The following KHK variants were observed in gnomAD, a reference collection of about 807,000 sequenced individuals.
KHK encodes fructokinase.
A neutral mutation model predicts 36.0 loss-of-function variants in KHK; 37 were observed. The ratio of observed to expected loss-of-function variants is 1.03; its 90% CI spans 0.79 to 1.35. The LOEUF (loss-of-function observed/expected upper bound fraction) is 1.35. Among genes scored for constraint, KHK ranks in the 40% most tolerant of loss-of-function variants. KHK has a pLI of 0.00. For missense variants in KHK, 395 were observed against 391.9 expected (o/e 1.01, Z -0.07); for synonymous variants, 161 against 162.8 (o/e 0.99, Z 0.08).
Position 27,099,966 on chromosome 2 carries a change from GCCAGCTTCTCCTCTCA to G in KHK, c.*217_*232del. 1 of 1,027,662 alleles carries G rather than the reference GCCAGCTTCTCCTCTCA, an allele frequency of 9.7e-7. No individual in the cohort carries two copies. The highest frequency in any genetic ancestry group is 1.5e-6 in the Non-Finnish European group (1 of 680,014). 63.7% of individuals were successfully genotyped at this position (1,027,662 alleles called of 1,614,324 possible). On this transcript the variant is annotated 3_prime_UTR_variant, in exon 8 of 8. Transcript: ENST00000260598. Reference sequence around the variant, plus strand: ...TCAGAGCAAATAAATCTTCCTCAGAGCCAGCTTCTCCTCTCAATGTCTGAACTGCTCTGGCTGGGCA... The same window carrying G: ...TCAGAGCAAATAAATCTTCCTCAGAGATGTCTGAACTGCTCTGGCTGGGCA...
Position 27,094,884 on chromosome 2 carries a change from C to G in KHK, c.294C>G (p.Cys98Trp), listed in dbSNP as rs1063553. 11 of 1,614,038 alleles carry G rather than the reference C, an allele frequency of 6.8e-6. No homozygotes were observed. The Admixed American group carries it at 1.3e-4, about 20-fold the overall frequency. Residue 98 changes from cysteine to tryptophan, a missense_variant, in exon 3 of 8, where the codon TGC (cysteine) becomes TGG (tryptophan). Transcript: ENST00000260598. ...GCAAGGGGGACACCCCCAGCTCCTGCTGCATCATCAACAACTCCAATGGCA... is the reference window on the plus strand; with the variant it reads ...GCAAGGGGGACACCCCCAGCTCCTGGTGCATCATCAACAACTCCAATGGCA... The part of the protein sequence containing the change: ...WQSKGDTPSS[C>W]CIINNSNGNR...
intron 2 of KHK, chr2:27,094,391 G>A (rs1670196215): frequency 3.9e-6 from 6 of 1,541,754 alleles, no homozygotes; most frequent in Non-Finnish European, 4.4e-6. Context: ...CTGCCTTTCA[G>A]GGTCCCTAGT....
Position 27,100,663 on chromosome 2 carries a change from A to G in KHK, c.*913A>G. The G allele has an allele frequency of 9.4e-7, 1 of 1,067,638 alleles. No homozygotes were observed. Among genetic ancestry groups the G allele is most frequent in the Non-Finnish European group, 1.2e-6 (1 of 824,922 alleles). 66.1% of individuals were successfully genotyped at this position (1,067,638 alleles called of 1,614,324 possible). A position where few individuals can be genotyped will look rare whatever the true frequency, so the allele number is the denominator to read the frequency against. ...TACAGCACTTAACGCAATCTGCCTC[A>G]ATTTCTTCATCTGTCAAATGGAACC... On this transcript the variant is annotated 3_prime_UTR_variant, in exon 8 of 8. Transcript: ENST00000260598.
Position 27,100,550 on chromosome 2 carries a change from T to C in KHK, c.*800T>C, listed in dbSNP as rs769822651. ...ATATAGGGTGGGTAAGGCCTTATAA[T>C]GTAAAGAGCATATAATGTAAAGGGC... On this transcript the variant is annotated 3_prime_UTR_variant, in exon 8 of 8. Coordinates refer to ENST00000260598, the MANE Select transcript of KHK (RefSeq NM_006488.3). 5 of 1,290,194 alleles carry C rather than the reference T, an allele frequency of 3.9e-6. No homozygotes were observed. In the African/African-American group the frequency reaches 7.6e-5, roughly 20 times the overall value. 79.9% of individuals were successfully genotyped at this position (1,290,194 alleles called of 1,614,324 possible).
In KHK at chr2:27,097,625, C is replaced by G. The variant is rs1572874792; in HGVS notation, c.540C>G (p.Phe180Leu). The change falls in exon 5 of 8, where the codon TTC becomes TTG. Residue 180 changes from phenylalanine to leucine, a missense_variant. Transcript: ENST00000260598. ...TGGAGAAGCCACGAGAGGAGCTCTT[C>G]CAGCTGTTTGGCTACGGAGACGTGG... Reference protein sequence around the residue: ...VEVEKPREELFQLFGYGDVVF... With the variant: ...VEVEKPREELLQLFGYGDVVF... The G allele has an allele frequency of 1.9e-6, 3 of 1,614,028 alleles. No individual in the cohort carries two copies. Among genetic ancestry groups the G allele is most frequent in the Non-Finnish European group, 2.5e-6 (3 of 1,180,062 alleles).
intron 1 of KHK, among the ~76,000 whole-genome samples, chr2:27,091,072 C>T (rs961694288): frequency 1.2e-5 from 1 of 86,878 alleles, no homozygotes; most frequent in Admixed American, 1.7e-4. Context: ...AAAAAAATTA[C>T]TATCCTTTGT....
intron 1 of KHK, among the ~76,000 whole-genome samples, chr2:27,090,669 G>T (rs1030318264): frequency 1.5e-4 from 23 of 151,228 alleles, no homozygotes; most frequent in African/African-American, 5.3e-4. Flanking sequence ...TGGCCAGGCT[G>T]GTCTTGAACT....
intron 2 of KHK, chr2:27,094,434 C>A: frequency 6.2e-7 from 1 of 1,609,942 alleles, no homozygotes; most frequent in Non-Finnish European, 8.5e-7. Context: ...TCCCCAAAAC[C>A]CTTGTCGAAC....
chr2:27,097,823 C>T (rs1300001518), intron 5 of KHK, among the ~76,000 whole-genome samples, 174 bp downstream of exon 5: 1 of 152,198 alleles, frequency 6.6e-6, no homozygotes, highest in Non-Finnish European at 1.5e-5. Context: ...CCTTGGGCTC[C>T]AGTGCAGGCC....
chr2:27,099,163 A>G, intron 5 of KHK, 33 bp from the exon 6 acceptor site: 1 of 1,607,216 alleles, frequency 6.2e-7, no homozygotes, highest in Non-Finnish European at 8.5e-7. Context: ...ACGAGTTAGA[A>G]GTGACCACCA....
At position 27,099,251 on chromosome 2, in the gene KHK, C is replaced by G. The variant is rs1360561772; in HGVS notation, c.620C>G (p.Ala207Gly). The G allele has an allele frequency of 3.1e-6, 5 of 1,613,978 alleles. No homozygotes were observed. Among genetic ancestry groups the G allele is most frequent in the African/African-American group, 1.3e-5 (1 of 74,890 alleles). Residue 207 changes from alanine to glycine, a missense_variant, in exon 6 of 8, where the codon GCC becomes GGC. Physicochemically the swap from Ala to Gly is moderately conservative, Grantham distance 60. Transcript: ENST00000260598. ...TTGGGGTTCCAGTCAGCAGAGGAAG[C>G]CTTGAGGGGCTTGTATGGTCGTGTG... ...KHLGFQSAEE[A>G]LRGLYGRVRK...
chr2:27,087,434 C>G (rs1411225968), intron 1 of KHK, 83 bp downstream of exon 1: 3 of 1,101,098 alleles, frequency 2.7e-6, no homozygotes, highest in South Asian at 1.4e-5. Flanking sequence ...TGCAGAGACC[C>G]CGCAGTGAGG....
chr2:27,099,689 G>A lies in KHK; in HGVS notation c.836G>A (p.Arg279Lys). Residue 279 changes from arginine to lysine, a missense_variant, in exon 8 of 8, where the codon AGA (arginine) becomes AAA (lysine). Arg to Lys is a conservative substitution (Grantham distance 26). Coordinates refer to ENST00000260598, the MANE Select transcript of KHK (RefSeq NM_006488.3). Reference sequence around the variant, plus strand: ...GGGAGGAGCGTGCAGGAAGCACTGAGATTCGGGTGCCAGGTGGCCGGCAAG... The same window carrying A: ...GGGAGGAGCGTGCAGGAAGCACTGAAATTCGGGTGCCAGGTGGCCGGCAAG... ...SQGRSVQEAL[R>K]FGCQVAGKKC... is the part of the protein sequence containing the mutation. The A allele has an allele frequency of 6.2e-7, 1 of 1,614,186 alleles. No homozygotes were observed. The highest frequency in any genetic ancestry group is 8.5e-7 in the Non-Finnish European group (1 of 1,180,028).
In KHK at chr2:27,096,764, A is replaced by G; in HGVS notation, c.380A>G (p.Lys127Arg). Residue 127 changes from lysine (K) to arginine (R), a missense_variant, in exon 4 of 8, where the codon AAG becomes AGG. Lys to Arg is a conservative substitution (Grantham distance 26). Coordinates refer to ENST00000260598, the MANE Select transcript of KHK (RefSeq NM_006488.3). ...LPDVSATDFE[K>R]VDLTQFKWIH... is the part of the protein sequence containing the mutation. ...GATGTGTCTGCTACAGACTTTGAGA[A>G]GGTTGATCTGACCCAGTTCAAGTGG... 2.5e-6 allele frequency: 4 copies of G among 1,614,100 alleles called. No homozygotes were observed. Among genetic ancestry groups the G allele is most frequent in the Non-Finnish European group, 3.4e-6 (4 of 1,180,010 alleles).
intron 1 of KHK, among the ~76,000 whole-genome samples, chr2:27,090,018 A>C (rs1188475119): frequency 6.6e-6 from 1 of 151,674 alleles, no homozygotes; most frequent in African/African-American, 2.4e-5. Flanking sequence ...ACACCCAACT[A>C]ATTTTGTACT....
intron 6 of KHK, 60 bp downstream of exon 6, chr2:27,099,344 A>T (rs968247460): frequency 1.2e-6 from 2 of 1,610,400 alleles, no homozygotes; most frequent in African/African-American, 2.7e-5. Flanking sequence ...GGACTCCAGG[A>T]GTCCGCCCTG....
rs962315515 is a variant in KHK, at chr2:27,100,410, G to A, written c.*660G>A. 1 of 1,288,910 alleles carries A rather than the reference G, an allele frequency of 7.8e-7. No homozygotes were observed. 79.8% of individuals were successfully genotyped at this position (1,288,910 alleles called of 1,614,324 possible). On this transcript the variant is annotated 3_prime_UTR_variant, in exon 8 of 8. Coordinates refer to ENST00000260598, the MANE Select transcript of KHK (RefSeq NM_006488.3). Reference sequence around the variant, plus strand: ...AGAGCCTGAAAGTCTCACCCTTGGAGCCCACCTTGGAATTAAGGGCGTGCC... The same window carrying A: ...AGAGCCTGAAAGTCTCACCCTTGGAACCCACCTTGGAATTAAGGGCGTGCC...
chr2:27,093,197 G>T (rs1670117562), intron 2 of KHK, among the ~76,000 whole-genome samples: 1 of 152,164 alleles, frequency 6.6e-6, no homozygotes, highest in Non-Finnish European at 1.5e-5. Context: ...GTTTGAAGGG[G>T]GCTGCTGGCA....
intron 1 of KHK, 140 bp from the exon 2 acceptor site, chr2:27,092,192 C>A: frequency 1.3e-6 from 1 of 776,066 alleles, no homozygotes; most frequent in South Asian, 1.4e-5. Flanking sequence ...GCCTCGGCTG[C>A]CCCGGGTACA....
Sources: allele counts gnomAD v4.1 joint callset (sites outside exome capture counted in the v4.1 genomes callset), GRCh38; gene constraint gnomAD v4.1.1; transcripts MANE v1.5; gene names NCBI Gene and HGNC (gene_info 2026-07-23, HGNC 2026-07-21).